Variants in RALGPS2 observed in about 807,000 individuals in gnomAD.
The protein encoded by RALGPS2 is ras-specific guanine nucleotide-releasing factor RalGPS2.
In RALGPS2, 43 loss-of-function variants were observed where a neutral mutation model predicts 86.8. The observed-to-expected ratio is 0.50, with a 90% CI of 0.39 to 0.64. The LOEUF is 0.64. Among genes scored for constraint, RALGPS2 ranks in the 30% least tolerant of loss-of-function variants. The pLI is 0.00. For missense variants in RALGPS2, 536 were observed against 694.6 expected (o/e 0.77, Z 2.57); for synonymous variants, 243 against 231.3 (o/e 1.05, Z -0.46).
intron 8 of RALGPS2, among the ~76,000 whole-genome samples, chr1:178,874,508 A>G (rs141502045): frequency 6.6e-6 from 1 of 152,334 alleles, no homozygotes; most frequent in Non-Finnish European, 1.5e-5. Context: ...CTGGCACATT[A>G]GTACCCCGCT....
chr1:178,786,685 A>G (rs1335277395), intron 4 of RALGPS2, among the ~76,000 whole-genome samples: 1 of 151,844 alleles, frequency 6.6e-6, no homozygotes, highest in Non-Finnish European at 1.5e-5. Flanking sequence ...TATCAATGTG[A>G]TTTTGTATTC....
intron 19 of RALGPS2, 115 bp downstream of exon 19, chr1:178,906,982 T>TA: frequency 1.1e-6 from 1 of 902,588 alleles, no homozygotes; most frequent in Non-Finnish European, 1.7e-6. Flanking sequence ...GTGGTGTTTT[T>TA]ATTCTTGTTG....
At chr1:178,856,435 A>T (rs1657591825) in intron 8 of RALGPS2, among the ~76,000 whole-genome samples, 2 of 45,738 alleles carry the variant, frequency 4.4e-5, no homozygotes, top group Non-Finnish European at 8.4e-5. Flanking sequence ...TTGAGAGATG[A>T]GGTCTTGGTA....
chr1:178,830,730 G>A (rs1207777539), intron 7 of RALGPS2, among the ~76,000 whole-genome samples: 1 of 151,928 alleles, frequency 6.6e-6, no homozygotes, highest in African/African-American at 2.4e-5. Flanking sequence ...CTCCAACAAT[G>A]AAAAAAATAA....
chr1:178,855,789 T>G (rs1044337570), intron 8 of RALGPS2, among the ~76,000 whole-genome samples: 2 of 151,924 alleles, frequency 1.3e-5, no homozygotes, highest in African/African-American at 4.8e-5. Context: ...ATTTTGGATT[T>G]TTTCAAAGGC....
rs1651545515 is a variant in RALGPS2 at position 178,749,752 on chromosome 1, A to G, written c.-84+24333A>G. ...ATGGCTGGATTTGATCCATGCACAG[A>G]GGTAGAGAGTGCCTTACTTTGCATA... is the stretch of plus-strand genomic sequence containing the variant. On this transcript the variant is annotated intron_variant, in intron 1 of 19. Transcript: ENST00000367635. Among the ~76,000 whole-genome samples, 5 of 151,980 alleles carry G rather than the reference A, an allele frequency of 3.3e-5. 1 individual carries two copies. In the South Asian group the frequency reaches 6.2e-4, roughly 19 times the overall value.
At chr1:178,852,167 A>C (rs1202199703) in intron 8 of RALGPS2, among the ~76,000 whole-genome samples, 1 of 152,088 alleles carries the variant, frequency 6.6e-6, no homozygotes, top group Admixed American at 6.6e-5. Context: ...TTGCTTTCTC[A>C]CAGCAGATTT....
intron 7 of RALGPS2, 74 bp downstream of exon 7, chr1:178,821,778 A>G (rs1040153949): frequency 8.7e-7 from 1 of 1,147,364 alleles, no homozygotes; most frequent in Non-Finnish European, 1.3e-6. Flanking sequence ...TTCCTTTGTA[A>G]TTCTTATTAA....
intron 4 of RALGPS2, among the ~76,000 whole-genome samples, chr1:178,793,864 G>A (rs1307033118): frequency 2.0e-5 from 3 of 152,106 alleles, no homozygotes; most frequent in African/African-American, 7.2e-5. Flanking sequence ...AGAAACAGGA[G>A]TTTTTTCCTT....
At chr1:178,881,607 TG>T (rs1659249497) in intron 10 of RALGPS2, among the ~76,000 whole-genome samples, 1 of 152,050 alleles carries the variant, frequency 6.6e-6, no homozygotes, top group Non-Finnish European at 1.5e-5. Context: ...CCCGCCATCA[TG>T]CCCGGCTAAT....
intron 7 of RALGPS2, among the ~76,000 whole-genome samples, chr1:178,831,091 T>C (rs1241894565): frequency 6.6e-6 from 1 of 151,962 alleles, no homozygotes; most frequent in African/African-American, 2.4e-5. Context: ...TGGAATAAAA[T>C]TTGCCAAAAA....
At chr1:178,898,990 G>C (rs765354446) in intron 17 of RALGPS2, among the ~76,000 whole-genome samples, 20 of 151,952 alleles carry the variant, frequency 1.3e-4, no homozygotes, top group Admixed American at 7.9e-4. Flanking sequence ...AGCTTCATAT[G>C]GAAAGTAACT....
chr1:178,812,827 T>C (rs1179009716), intron 6 of RALGPS2, among the ~76,000 whole-genome samples: 4 of 152,186 alleles, frequency 2.6e-5, no homozygotes, highest in African/African-American at 9.7e-5. Flanking sequence ...TCTAACATTC[T>C]ATGGCACTAG....
chr1:178,813,955 C>T (rs1343899106), intron 6 of RALGPS2, among the ~76,000 whole-genome samples: 1 of 152,146 alleles, frequency 6.6e-6, no homozygotes, highest in African/African-American at 2.4e-5. Flanking sequence ...CTTACCATCA[C>T]ATAGATACAA....
chr1:178,777,735 A>G (rs78245377), intron 2 of RALGPS2, among the ~76,000 whole-genome samples: 6 of 152,138 alleles, frequency 3.9e-5, no homozygotes, highest in South Asian at 2.1e-4. Context: ...CGGAAATAAC[A>G]CCGCATATCT....
chr1:178,918,908 T>C lies in RALGPS2; in HGVS notation c.*2549T>C, dbSNP rs1248875881. On this transcript the variant is annotated 3_prime_UTR_variant, in exon 20 of 20. Transcript: ENST00000367635. The stretch of plus-strand genomic sequence containing the variant: ...ATCTTCTTATTAAGCCTGCCCTCAA[T>C]TGTAAATAAGTGACTCAAAAACTCA... The C allele has an allele frequency of 6.6e-6, 1 of 152,078 alleles. No individual in the cohort carries two copies. Among genetic ancestry groups the C allele is most frequent in the African/African-American group, 2.4e-5 (1 of 41,444 alleles). 9.4% of individuals were successfully genotyped at this position (152,078 alleles called of 1,614,324 possible).
intron 8 of RALGPS2, among the ~76,000 whole-genome samples, chr1:178,849,081 C>T (rs374663148): frequency 6.6e-6 from 1 of 152,112 alleles, no homozygotes; most frequent in East Asian, 1.9e-4. Flanking sequence ...AATGTTTTAC[C>T]TGTATTAACT....
At chr1:178,848,236 A>C (rs1405068815) in intron 8 of RALGPS2, among the ~76,000 whole-genome samples, 2 of 152,144 alleles carry the variant, frequency 1.3e-5, no homozygotes, top group Non-Finnish European at 2.9e-5. Flanking sequence ...GTTTGAGCCC[A>C]GGAGTTCAAG....
chr1:178,728,066 GAT>G (rs1650128260), intron 1 of RALGPS2, among the ~76,000 whole-genome samples: 1 of 152,132 alleles, frequency 6.6e-6, no homozygotes, highest in Non-Finnish European at 1.5e-5. Flanking sequence ...GTATACCAAA[GAT>G]AAACATTCTA....
Sources: allele counts gnomAD v4.1 joint callset (sites outside exome capture counted in the v4.1 genomes callset), GRCh38; gene constraint gnomAD v4.1.1; transcripts MANE v1.5; gene names NCBI Gene and HGNC (gene_info 2026-07-23, HGNC 2026-07-21).